The following MRTFA variants were observed in gnomAD, a reference collection of about 807,000 sequenced individuals.
The protein encoded by MRTFA is myocardin related transcription factor A.
Under a neutral mutation model 83.5 loss-of-function variants are expected in MRTFA, and 20 were observed. The observed-to-expected ratio is 0.24, with a 90% confidence interval of 0.17 to 0.35. The LOEUF (loss-of-function observed/expected upper bound fraction) is 0.35, where lower values mean the gene tolerates loss of function less well. Among genes scored for constraint, MRTFA ranks in the 10% least tolerant of loss-of-function variants. The pLI is 1.00. For synonymous variants in MRTFA, 659 were observed against 541.2 expected, an observed-to-expected ratio of 1.22 and a Z score of -3.02; for missense variants, 1,200 against 1,224.7, an observed-to-expected ratio of 0.98 and a Z score of 0.30.
intron 1 of MRTFA, among the ~76,000 whole-genome samples, chr22:40,606,942 T>C (rs1238493242): frequency 6.6e-6 from 1 of 152,158 alleles, no homozygotes; most frequent in Non-Finnish European, 1.5e-5. Flanking sequence ...GTCTTGTAAG[T>C]GATTTGGGGT....
chr22:40,490,812 T>C (rs949705165), intron 3 of MRTFA, among the ~76,000 whole-genome samples: 6 of 152,194 alleles, frequency 3.9e-5, no homozygotes, highest in African/African-American at 1.4e-4. Flanking sequence ...ATAATTATTA[T>C]ACATTGTATA....
chr22:40,507,814 T>A (rs968609473), intron 3 of MRTFA, among the ~76,000 whole-genome samples: 1 of 150,620 alleles, frequency 6.6e-6, no homozygotes, highest in Non-Finnish European at 1.5e-5. Flanking sequence ...AATACAAAAA[T>A]TATCCAGGCA....
chr22:40,511,485 C>T (rs1051725644), intron 3 of MRTFA, among the ~76,000 whole-genome samples: 28 of 152,176 alleles, frequency 1.8e-4, no homozygotes, highest in Non-Finnish European at 3.5e-4. Context: ...TACATATACA[C>T]GTATCACATG....
At chr22:40,551,187 T>G (rs1164970438) in intron 3 of MRTFA, among the ~76,000 whole-genome samples, 2 of 152,078 alleles carry the variant, frequency 1.3e-5, no homozygotes, top group African/African-American at 2.4e-5. Flanking sequence ...TTATAGATTT[T>G]TTTAATTAAA....
In MRTFA at chr22:40,418,464, G is replaced by A. The variant is rs1472233764; in HGVS notation, c.2274C>T (p.Leu758=). 1.2e-6 allele frequency: 2 copies of A among 1,613,648 alleles called. No homozygotes were observed. The highest frequency in any genetic ancestry group is 1.7e-6 in the Non-Finnish European group (2 of 1,179,798). ...GGTGGGTCCCTGTGGAGTCGGTGAT[G>A]AGGGTGGGAGGTGCAACCCCCTTGA... The change falls in exon 12 of 15, where the codon CTC becomes CTT. Residue 758 remains leucine (L), a synonymous_variant. Transcript: ENST00000355630.
At chr22:40,538,679 G>T (rs1477465255) in intron 3 of MRTFA, among the ~76,000 whole-genome samples, 1 of 152,060 alleles carries the variant, frequency 6.6e-6, no homozygotes, top group Non-Finnish European at 1.5e-5. Flanking sequence ...TGTGAAAACA[G>T]ACTTTAAAAT....
At chr22:40,627,876 C>T (rs1358781135) in intron 1 of MRTFA, among the ~76,000 whole-genome samples, 1 of 152,146 alleles carries the variant, frequency 6.6e-6, no homozygotes, top group Non-Finnish European at 1.5e-5. Context: ...AGGAGAACTG[C>T]TTCAGCAGTT....
At chr22:40,609,107 A>G (rs973061307) in intron 1 of MRTFA, among the ~76,000 whole-genome samples, 1 of 152,106 alleles carries the variant, frequency 6.6e-6, no homozygotes, top group African/African-American at 2.4e-5. Flanking sequence ...CCTGGCCAAC[A>G]TGGTGAAACC....
Position 40,411,055 on chromosome 22 carries a change from G to C in MRTFA, c.*335C>G, listed in dbSNP as rs2052513703. 3.7e-6 allele frequency: 1 copy of C among 270,628 alleles called. No individual in the cohort carries two copies. The highest frequency in any genetic ancestry group is 7.0e-6 in the Non-Finnish European group (1 of 143,798). 16.8% of individuals were successfully genotyped at this position (270,628 alleles called of 1,614,324 possible). ...AGAAGAGAAGCCTCCCGCCTGGCCA[G>C]GCTTCACCTACCTTAGCCAAATTGT... On this transcript the variant is annotated 3_prime_UTR_variant, in exon 15 of 15. Coordinates refer to ENST00000355630, the MANE Select transcript of MRTFA (RefSeq NM_020831.6).
At chr22:40,554,570 A>T (rs965896261) in intron 2 of MRTFA, among the ~76,000 whole-genome samples, 1 of 152,144 alleles carries the variant, frequency 6.6e-6, no homozygotes, top group African/African-American at 2.4e-5. Flanking sequence ...AAGTTTCCTG[A>T]GGCCTCCCGA....
At chr22:40,579,412 T>C (rs1037030913) in intron 2 of MRTFA, among the ~76,000 whole-genome samples, 1 of 152,158 alleles carries the variant, frequency 6.6e-6, no homozygotes, top group Non-Finnish European at 1.5e-5. Context: ...ATAATATTCA[T>C]AACAATAAAC....
At chr22:40,442,811 A>G (rs1673298355) in intron 4 of MRTFA, among the ~76,000 whole-genome samples, 1 of 152,200 alleles carries the variant, frequency 6.6e-6, no homozygotes, top group African/African-American at 2.4e-5. Flanking sequence ...GAGATAGCTG[A>G]GGCTAAGGAA....
chr22:40,631,712 G>A (rs73169096), intron 1 of MRTFA, among the ~76,000 whole-genome samples: 12,407 of 152,182 alleles, frequency 0.082, 749 homozygotes, highest in East Asian at 0.25. Flanking sequence ...AACATTTCAT[G>A]TGAACCTAAT....
chr22:40,526,970 G>GA (rs910399009), intron 3 of MRTFA, among the ~76,000 whole-genome samples: 2 of 151,570 alleles, frequency 1.3e-5, no homozygotes, highest in Admixed American at 6.6e-5. Flanking sequence ...CAGGGGAGGA[G>GA]AAAAAAAATA....
Position 40,457,423 on chromosome 22 carries a change from TGAAA to T in MRTFA, c.307+5794_307+5797del, listed in dbSNP as rs1286865231. On this transcript the variant is annotated intron_variant, in intron 4 of 14. Transcript: ENST00000355630. ...GAAAGAAAGAGAGAGAGAGACAGAA[TGAAA>T]GAAAGAAAGAGAAAGAAAGAAAGAA... 1.1e-4 allele frequency among the ~76,000 whole-genome samples: 6 copies of T among 52,236 alleles called. No individual in the cohort carries two copies. In the East Asian group the frequency reaches 2.0e-3, roughly 17 times the overall value. The allele number at this position is 52,236 out of a possible 152,430, so 34.3% of individuals were successfully genotyped here. A position where few individuals can be genotyped will look rare whatever the true frequency, so the allele number is the denominator to read the frequency against.
chr22:40,479,946 A>T (rs1167131227), intron 3 of MRTFA, among the ~76,000 whole-genome samples: 1 of 152,224 alleles, frequency 6.6e-6, no homozygotes, highest in Non-Finnish European at 1.5e-5. Context: ...ACATCTAACC[A>T]GGTAACTTTC....
intron 2 of MRTFA, among the ~76,000 whole-genome samples, chr22:40,566,136 C>T (rs947302029): frequency 3.3e-5 from 5 of 151,920 alleles, no homozygotes; most frequent in African/African-American, 7.3e-5. Flanking sequence ...TGGCATGGCC[C>T]GAGAGGAATG....
At position 40,459,862 on chromosome 22, in the gene MRTFA, T is replaced by TATATATATATATATAC. The variant is rs796103400; in HGVS notation, c.307+3358_307+3359insGTATATATATATATAT. ...ATATATATATATATATATATATATA[T>TATATATATATATATAC]ACACACATGAATGATACTTTCTCAA... On this transcript the variant is annotated intron_variant, in intron 4 of 14. Coordinates refer to ENST00000355630, the MANE Select transcript of MRTFA (RefSeq NM_020831.6). 2.9e-4 allele frequency among the ~76,000 whole-genome samples: 35 copies of TATATATATATATATAC among 121,480 alleles called. 1 individual carries two copies. Among genetic ancestry groups the TATATATATATATATAC allele is most frequent in the East Asian group, 7.9e-4 (3 of 3,816 alleles). The allele number at this position is 121,480 out of a possible 152,430, so 79.7% of individuals were successfully genotyped here. A position where few individuals can be genotyped will look rare whatever the true frequency, so the allele number is the denominator to read the frequency against.
intron 2 of MRTFA, chr22:40,569,346 G>A (rs965416774): frequency 3.7e-5 from 8 of 216,020 alleles, no homozygotes; most frequent in African/African-American, 6.9e-5. Flanking sequence ...TTTGACAGGC[G>A]CTTCCCCAAC....
Sources: gnomAD v4.1 joint callset for allele counts (sites outside exome capture counted in the v4.1 genomes callset) on GRCh38, gnomAD v4.1.1 for gene constraint, MANE v1.5 for transcripts, NCBI Gene and HGNC (gene_info 2026-07-23, HGNC 2026-07-21) for gene names.